Variants in SLC14A2 observed in about 807,000 individuals in gnomAD.
SLC14A2 encodes solute carrier family 14 member 2.
In SLC14A2, 91 loss-of-function variants were observed where a neutral mutation model predicts 104.6. That is an observed-to-expected ratio of 0.87 (90% CI 0.73 to 1.04). The LOEUF (loss-of-function observed/expected upper bound fraction) is 1.04, where lower values mean the gene tolerates loss of function less well. Among genes scored for constraint, SLC14A2 ranks in the 50% least tolerant of loss-of-function variants. The pLI, the probability that SLC14A2 is intolerant of heterozygous loss-of-function variation, is 0.00. For synonymous variants in SLC14A2, 476 were observed against 466.4 expected, an observed-to-expected ratio of 1.02 and a Z score of -0.27; for missense variants, 1,189 against 1,156.0, an observed-to-expected ratio of 1.03 and a Z score of -0.41.
rs139865242 is a variant in SLC14A2, at chr18:45,509,853, C to T, written c.-35+26531C>T. ...ATGGAATGCAGAGTTCTGTAGGTCA[C>T]GGACTGGACCTCTGCTGCATAGAGA... On this transcript the variant is annotated intron_variant, in intron 2 of 20. Coordinates refer to the SLC14A2 transcript ENST00000586448. 1.8e-3 allele frequency among the ~76,000 whole-genome samples: 277 copies of T among 152,314 alleles called. 1 individual carries two copies. Among genetic ancestry groups the T allele is most frequent in the Non-Finnish European group, 3.2e-3 (220 of 68,028 alleles).
intron 2 of SLC14A2, among the ~76,000 whole-genome samples, chr18:45,577,926 G>A (rs2044437506): frequency 6.6e-6 from 1 of 152,180 alleles, no homozygotes; most frequent in Non-Finnish European, 1.5e-5. Context: ...GGGGAGTAAT[G>A]AGAGAAGGCT....
In SLC14A2 at chr18:45,663,920, T is replaced by TC; in HGVS notation, c.1474+18dup. Reference sequence around the variant, plus strand: ...AGGAGGAGCAAAGGTGTGCATGTCCTCCCCCTCACGCTTGGATCCCTGCCT... The same window carrying TC: ...AGGAGGAGCAAAGGTGTGCATGTCCTCCCCCCTCACGCTTGGATCCCTGCCT... On this transcript the variant is annotated intron_variant, in intron 11 of 19. Coordinates refer to ENST00000255226, the MANE Select transcript of SLC14A2 (RefSeq NM_007163.4). 1 of 1,602,518 alleles carries TC rather than the reference T, an allele frequency of 6.2e-7. No homozygotes were observed.
At position 45,532,328 on chromosome 18, in the gene SLC14A2, A is replaced by C. The variant is rs545379391; in HGVS notation, c.-35+49006A>C. ...TTTCACAATATTGACTCTTCCTACC[A>C]ATGAGCATGGAATGTTCTTCCATTT... On this transcript the variant is annotated intron_variant, in intron 2 of 20. Coordinates refer to the SLC14A2 transcript ENST00000586448. Among the ~76,000 whole-genome samples the C allele has an allele frequency of 6.6e-5, 10 of 152,216 alleles. No individual in the cohort carries two copies. The East Asian group carries it at 1.5e-3, about 23-fold the overall frequency.
At chr18:45,223,206 C>T (rs1344792757) in intron 1 of SLC14A2, among the ~76,000 whole-genome samples, 1 of 152,170 alleles carries the variant, frequency 6.6e-6, no homozygotes, top group African/African-American at 2.4e-5. Flanking sequence ...AAGATGGTAA[C>T]TGATGGAACT....
intron 1 of SLC14A2, among the ~76,000 whole-genome samples, chr18:45,330,946 G>T (rs1368350480): frequency 6.6e-6 from 1 of 152,180 alleles, no homozygotes; most frequent in East Asian, 1.9e-4. Context: ...AAACATGGAA[G>T]TGCTTCATGC....
rs77174310 is a variant in SLC14A2, at chr18:45,233,531, C to T, written c.-125+20340C>T. 6.3e-4 allele frequency among the ~76,000 whole-genome samples: 96 copies of T among 152,216 alleles called. 1 individual carries two copies. In the East Asian group the frequency reaches 0.017, roughly 28 times the overall value. ...TTTCATGGTCTTGCCCGGGCTCCCT[C>T]CTGCGTATCACGAAAATGTTTAGGC... is the stretch of plus-strand genomic sequence containing the variant. On this transcript the variant is annotated intron_variant, in intron 1 of 20. Transcript: ENST00000586448.
chr18:45,651,434 G>A (rs2045734917), intron 10 of SLC14A2, among the ~76,000 whole-genome samples: 1 of 152,162 alleles, frequency 6.6e-6, no homozygotes, highest in Non-Finnish European at 1.5e-5. Flanking sequence ...AATGCATGTG[G>A]GAGAAGTCAA....
chr18:45,494,844 T>C (rs1218623874), intron 2 of SLC14A2, among the ~76,000 whole-genome samples: 1 of 151,824 alleles, frequency 6.6e-6, no homozygotes, highest in Admixed American at 6.6e-5. Flanking sequence ...AGACAGCACC[T>C]TCCAGCCCGT....
At chr18:45,175,362 A>T in the SLC14A2 span, among the ~76,000 whole-genome samples, 1 of 150,580 alleles carries the variant, frequency 6.6e-6, no homozygotes, top group Non-Finnish European at 1.5e-5. Flanking sequence ...GGTAAAAAAA[A>T]GTGTCATAAT....
chr18:45,232,220 T>C (rs114635615), intron 1 of SLC14A2, among the ~76,000 whole-genome samples: 2,393 of 152,184 alleles, frequency 0.016, 72 homozygotes, highest in African/African-American at 0.053. Context: ...CTGTGAGGCA[T>C]CAGGAAACTT....
intron 1 of SLC14A2, among the ~76,000 whole-genome samples, chr18:45,465,522 G>A (rs889921145): frequency 2.0e-5 from 3 of 152,138 alleles, no homozygotes; most frequent in African/African-American, 7.2e-5. Flanking sequence ...TCCCAAAGCA[G>A]AAAGTATCTT....
rs150843374 is a variant in SLC14A2 at position 45,667,871 on chromosome 18, C to T, written c.1756C>T (p.Arg586Ter). Residue 586 changes from arginine (R) to a stop codon, truncating the protein, a stop_gained, in exon 14 of 20, where the codon CGA becomes TGA. Transcript: ENST00000255226. LOFTEE classifies it high-confidence loss of function. ...PVFQFFDWVL[R>*]GTSQVMFVNN... ...GTTCCAGTTCTTTGACTGGGTCCTC[C>T]GAGGCACATCTCAAGTGATGTTTGT... 1.2e-4 allele frequency: 198 copies of T among 1,614,014 alleles called. No individual in the cohort carries two copies. Among genetic ancestry groups the T allele is most frequent in the Non-Finnish European group, 1.5e-4 (178 of 1,180,006 alleles).
chr18:45,239,463 A>G (rs1465657144), intron 1 of SLC14A2, among the ~76,000 whole-genome samples: 2 of 152,274 alleles, frequency 1.3e-5, no homozygotes, highest in African/African-American at 4.8e-5. Flanking sequence ...AACCCCGGGC[A>G]GGATCCCTGA....
intron 1 of SLC14A2, among the ~76,000 whole-genome samples, chr18:45,480,734 G>T (rs192695236): frequency 6.6e-6 from 1 of 152,280 alleles, no homozygotes; most frequent in East Asian, 1.9e-4. Flanking sequence ...GAGGCACCAA[G>T]CATCTTGGAT....
At chr18:45,269,975 C>A (rs1310080847) in intron 1 of SLC14A2, among the ~76,000 whole-genome samples, 3 of 152,166 alleles carry the variant, frequency 2.0e-5, no homozygotes, top group African/African-American at 7.2e-5. Flanking sequence ...TGTGGCCTTT[C>A]TTCTACTTCT....
chr18:45,478,435 C>G (rs1007100735), intron 1 of SLC14A2, among the ~76,000 whole-genome samples: 1 of 152,248 alleles, frequency 6.6e-6, no homozygotes, highest in East Asian at 1.9e-4. Flanking sequence ...ATGCAGCCAT[C>G]TTGCCAGCCA....
chr18:45,427,678 C>A (rs1442536174), intron 1 of SLC14A2, among the ~76,000 whole-genome samples: 1 of 152,142 alleles, frequency 6.6e-6, no homozygotes, highest in Non-Finnish European at 1.5e-5. Context: ...ATAACCCCAA[C>A]CCAGGAGTTT....
chr18:45,307,116 C>T (rs2085030066), intron 1 of SLC14A2, among the ~76,000 whole-genome samples: 1 of 152,114 alleles, frequency 6.6e-6, no homozygotes, highest in Admixed American at 6.5e-5. Context: ...AGAAAACCCA[C>T]CTAGAAAAGA....
intron 1 of SLC14A2, among the ~76,000 whole-genome samples, chr18:45,240,091 C>CT (rs763802776): frequency 0.046 from 4,110 of 89,548 alleles, 437 homozygotes; most frequent in African/African-American, 0.13. Flanking sequence ...GCAAATATCT[C>CT]TTTTTTTTTT....
Sources: gnomAD v4.1 joint callset for allele counts (sites outside exome capture counted in the v4.1 genomes callset) on GRCh38, gnomAD v4.1.1 for gene constraint, MANE v1.5 for transcripts, NCBI Gene and HGNC (gene_info 2026-07-23, HGNC 2026-07-21) for gene names.